The following HELZ variants were observed in gnomAD, a reference collection of about 807,000 sequenced individuals.
HELZ encodes helicase with zinc finger, also known as ATP-dependent RNA helicase with zinc finger domain.
A neutral mutation model predicts 218.2 loss-of-function variants in HELZ; 23 were observed. The ratio of observed to expected loss-of-function variants is 0.11; its 90% CI spans 0.08 to 0.15. The LOEUF (loss-of-function observed/expected upper bound fraction) is 0.15. Among genes scored for constraint, HELZ ranks in the 10% least tolerant of loss-of-function variants. The pLI is 1.00. For synonymous variants in HELZ, 814 were observed against 829.4 expected (o/e 0.98, Z 0.32); for missense variants, 1,813 against 2,353.7 (o/e 0.77, Z 4.75).
intron 31 of HELZ, among the ~76,000 whole-genome samples, chr17:67,088,411 G>A (rs2036458608): frequency 1.3e-5 from 2 of 152,172 alleles, no homozygotes; most frequent in Admixed American, 1.3e-4. Context: ...ATGGCTTCTG[G>A]AAATATAAAA....
intron 7 of HELZ, among the ~76,000 whole-genome samples, chr17:67,196,441 C>G (rs1212749267): frequency 6.6e-6 from 1 of 152,200 alleles, no homozygotes; most frequent in Non-Finnish European, 1.5e-5. Context: ...ATATACACAT[C>G]TGCTGTCAGC....
intron 7 of HELZ, among the ~76,000 whole-genome samples, chr17:67,195,732 A>G (rs1329905179): frequency 1.3e-5 from 2 of 152,068 alleles, no homozygotes; most frequent in East Asian, 3.8e-4. Context: ...GAGAAGTCCA[A>G]GTCCCCAGTC....
intron 2 of HELZ, among the ~76,000 whole-genome samples, chr17:67,241,139 A>G (rs1328843860): frequency 6.6e-6 from 1 of 152,228 alleles, no homozygotes; most frequent in African/African-American, 2.4e-5. Flanking sequence ...CACTTGTATC[A>G]CTTTTCTTCT....
At chr17:67,151,650 G>T (rs1363084925) in intron 17 of HELZ, among the ~76,000 whole-genome samples, 2 of 152,012 alleles carry the variant, frequency 1.3e-5, no homozygotes, top group Non-Finnish European at 2.9e-5. Context: ...ACAGTGAATT[G>T]CATACTTATA....
intron 25 of HELZ, 113 bp from the exon 26 acceptor site, chr17:67,123,273 T>G: frequency 3.4e-6 from 2 of 593,150 alleles, no homozygotes; most frequent in Non-Finnish European, 5.3e-6. Flanking sequence ...CTAAGATATC[T>G]TATCATCAAA....
chr17:67,120,656 G>A, intron 26 of HELZ, 44 bp from the exon 27 acceptor site: 1 of 1,373,640 alleles, frequency 7.3e-7, no homozygotes, highest in Middle Eastern at 2.5e-4. Context: ...GTATATTTTG[G>A]AAGGCAAACT....
intron 10 of HELZ, 98 bp downstream of exon 10, chr17:67,190,059 A>G: frequency 1.1e-6 from 1 of 930,632 alleles, no homozygotes; most frequent in South Asian, 1.5e-5. Context: ...CTTTGCAAAG[A>G]AGATAAGGAA....
chr17:67,114,418 A>G lies in HELZ; in HGVS notation c.3839-15T>C. On this transcript the variant is annotated splice_polypyrimidine_tract_variant and intron_variant, in intron 27 of 32. Coordinates refer to ENST00000358691, the MANE Select transcript of HELZ (RefSeq NM_014877.4). Reference sequence around the variant, plus strand: ...ATCACTTTTACCTAAGAAAATATTTAAAAATCCTTATAAGTTTTCTCCAGT... The same window carrying G: ...ATCACTTTTACCTAAGAAAATATTTGAAAATCCTTATAAGTTTTCTCCAGT... The G allele has an allele frequency of 2.0e-6, 3 of 1,493,894 alleles. No individual in the cohort carries two copies. The allele number at this position is 1,493,894 out of a possible 1,614,324, so 92.5% of individuals were successfully genotyped here. A position where few individuals can be genotyped will look rare whatever the true frequency, so the allele number is the denominator to read the frequency against.
chr17:67,125,286 C>CTATATATA (rs57513241), intron 24 of HELZ, among the ~76,000 whole-genome samples: 4 of 70,146 alleles, frequency 5.7e-5, no homozygotes, highest in Non-Finnish European at 1.1e-4. Context: ...TTGGCACCAA[C>CTATATATA]TATATATATA....
intron 5 of HELZ, among the ~76,000 whole-genome samples, chr17:67,204,283 T>A (rs2040240815): frequency 1.3e-5 from 2 of 152,208 alleles, no homozygotes; most frequent in Non-Finnish European, 2.9e-5. Context: ...TATGAATATA[T>A]CTTCTCCTAT....
chr17:67,160,423 T>C, intron 16 of HELZ, 61 bp from the exon 17 acceptor site: 1 of 1,156,272 alleles, frequency 8.6e-7, no homozygotes. Flanking sequence ...TCAAGCAGTA[T>C]AATACCAAAA....
intron 27 of HELZ, among the ~76,000 whole-genome samples, chr17:67,118,960 T>C (rs1045330230): frequency 6.6e-6 from 1 of 152,100 alleles, no homozygotes; most frequent in Non-Finnish European, 1.5e-5. Flanking sequence ...CAATGAGATA[T>C]GATTAGACAT....
chr17:67,191,306 A>G (rs758743994), intron 9 of HELZ, among the ~76,000 whole-genome samples: 18 of 152,324 alleles, frequency 1.2e-4, no homozygotes, highest in Admixed American at 2.6e-4. Context: ...CAGAGTCACA[A>G]ATTTATTCAA....
At chr17:67,138,929 A>G (rs2038234584) in intron 21 of HELZ, among the ~76,000 whole-genome samples, 1 of 152,156 alleles carries the variant, frequency 6.6e-6, no homozygotes, top group Admixed American at 6.5e-5. Flanking sequence ...ACTTACTGAG[A>G]AGAACTTATG....
chr17:67,205,413 C>G (rs1213746251), intron 5 of HELZ, among the ~76,000 whole-genome samples: 2 of 152,136 alleles, frequency 1.3e-5, no homozygotes, highest in Non-Finnish European at 2.9e-5. Context: ...CCTCCCCTAT[C>G]AAACGGAGGT....
chr17:67,124,702 G>A (rs752195399), intron 24 of HELZ, among the ~76,000 whole-genome samples: 1 of 152,076 alleles, frequency 6.6e-6, no homozygotes, highest in Non-Finnish European at 1.5e-5. Flanking sequence ...GGCACAGAGA[G>A]CATGGTTTAT....
At chr17:67,104,213 T>C (rs975081675) in intron 31 of HELZ, among the ~76,000 whole-genome samples, 1 of 151,872 alleles carries the variant, frequency 6.6e-6, no homozygotes, top group African/African-American at 2.4e-5. Context: ...GGCGAGCAGA[T>C]CACGAGGTCA....
At chr17:67,242,463 C>A (rs2041343266) in intron 2 of HELZ, among the ~76,000 whole-genome samples, 1 of 149,204 alleles carries the variant, frequency 6.7e-6, no homozygotes, top group Non-Finnish European at 1.5e-5. Flanking sequence ...CATAGATACA[C>A]ACATATATAC....
At chr17:67,139,822 A>G (rs1381959992) in intron 21 of HELZ, among the ~76,000 whole-genome samples, 4 of 152,164 alleles carry the variant, frequency 2.6e-5, no homozygotes, top group Admixed American at 2.0e-4. Flanking sequence ...TATTCCAGGT[A>G]CTTTTGGCAG....
Sources: gnomAD v4.1 joint callset for allele counts (sites outside exome capture counted in the v4.1 genomes callset) on GRCh38, gnomAD v4.1.1 for gene constraint, MANE v1.5 for transcripts, NCBI Gene and HGNC (gene_info 2026-07-23, HGNC 2026-07-21) for gene names.